The following FILIP1 variants were observed in gnomAD, a reference collection of about 807,000 sequenced individuals.
FILIP1 encodes filamin-A-interacting protein 1.
In FILIP1, 61 loss-of-function variants were observed where a neutral mutation model predicts 102.1. The observed-to-expected ratio is 0.60, with a 90% CI of 0.49 to 0.74. FILIP1 has a LOEUF of 0.74. FILIP1 is among the 30% of genes least tolerant of loss of function. FILIP1 has a pLI of 0.00. For missense variants in FILIP1, 1,314 were observed against 1,441.2 expected (o/e 0.91, Z 1.43); for synonymous variants, 491 against 526.9 (o/e 0.93, Z 0.93).
intron 3 of FILIP1, chr6:75,361,924 G>C (rs1185333616): frequency 2.0e-5 from 3 of 152,234 alleles, no homozygotes; most frequent in Non-Finnish European, 2.9e-5. Context: ...TCAATCTGTT[G>C]TGAATGCTGT....
intron 5 of FILIP1, among the ~76,000 whole-genome samples, 163 bp from the exon 6 acceptor site, chr6:75,309,060 C>A (rs1337801543): frequency 6.6e-6 from 1 of 152,092 alleles, no homozygotes; most frequent in Non-Finnish European, 1.5e-5. Context: ...TGTATCTAAT[C>A]CACTCTGATT....
intron 2 of FILIP1, among the ~76,000 whole-genome samples, chr6:75,397,537 GACAC>G (rs59797690): frequency 0.015 from 2,098 of 139,042 alleles, 28 homozygotes; most frequent in South Asian, 0.025. Flanking sequence ...ACACATATAA[GACAC>G]ACACACACAC....
At chr6:75,317,996 T>C (rs764980118) in intron 4 of FILIP1, among the ~76,000 whole-genome samples, 3 of 152,172 alleles carry the variant, frequency 2.0e-5, no homozygotes, top group Non-Finnish European at 2.9e-5. Flanking sequence ...ACCTCCTTGA[T>C]AAGTTCATGT....
chr6:75,340,244 A>G (rs1208676056), intron 4 of FILIP1, among the ~76,000 whole-genome samples: 1 of 152,170 alleles, frequency 6.6e-6, no homozygotes, highest in Admixed American at 6.5e-5. Context: ...TTTATTACAT[A>G]GAATTTATCT....
chr6:75,384,030 C>T (rs1446574033), intron 2 of FILIP1, among the ~76,000 whole-genome samples: 2 of 152,092 alleles, frequency 1.3e-5, no homozygotes, highest in African/African-American at 4.8e-5. Context: ...GCCACTAATA[C>T]TCATTTCACC....
chr6:75,432,292 T>A (rs1031433683), intron 1 of FILIP1, among the ~76,000 whole-genome samples: 2 of 152,222 alleles, frequency 1.3e-5, no homozygotes, highest in Non-Finnish European at 2.9e-5. Context: ...ATTTTCAGGA[T>A]CTACTTTATT....
In FILIP1 at chr6:75,362,726, T is replaced by C. The variant is rs1335773230; in HGVS notation, c.450+18A>G. ...CTGAGGTTCCCATCCAGGGGACTTG[T>C]TGGTGTCATATTTTTACCTCTGAAA... On this transcript the variant is annotated intron_variant, in intron 3 of 5. Transcript: ENST00000237172. 1 of 1,609,854 alleles carries C rather than the reference T, an allele frequency of 6.2e-7. No homozygotes were observed. Among genetic ancestry groups the C allele is most frequent in the Non-Finnish European group, 8.5e-7 (1 of 1,178,274 alleles).
At position 75,426,655 on chromosome 6, in the gene FILIP1, T is replaced by C. The variant is rs148587683; in HGVS notation, c.-6-11677A>G. Among the ~76,000 whole-genome samples the C allele has an allele frequency of 5.2e-3, 796 of 152,226 alleles. 6 individuals are homozygous for C. The highest frequency in any genetic ancestry group is 0.019 in the African/African-American group (770 of 41,544). On this transcript the variant is annotated intron_variant, in intron 1 of 5. Coordinates refer to ENST00000237172, the MANE Select transcript of FILIP1 (RefSeq NM_015687.5). ...AGGCACAGCTACACTTGAAGGACTC[T>C]GCAGCCTTTGTGTGAATTATGGTGG...
intron 3 of FILIP1, among the ~76,000 whole-genome samples, chr6:75,362,364 A>T (rs1775197106): frequency 6.6e-6 from 1 of 152,244 alleles, no homozygotes. Context: ...ATATCAGATA[A>T]GATCAATTTA....
At position 75,308,214 on chromosome 6, in the gene FILIP1, C is replaced by T; in HGVS notation, c.*477G>A. On this transcript the variant is annotated 3_prime_UTR_variant, in exon 6 of 6. Coordinates refer to ENST00000237172, the MANE Select transcript of FILIP1 (RefSeq NM_015687.5). ...GATAGCTATGTGATGTTTTTTCCAG[C>T]ACATAAAGCAAATTCATGATGTGAA... 1.0e-6 allele frequency: 1 copy of T among 987,868 alleles called. No individual in the cohort carries two copies. The highest frequency in any genetic ancestry group is 1.7e-5 in the African/African-American group (1 of 57,316). 61.2% of individuals were successfully genotyped at this position (987,868 alleles called of 1,614,324 possible). A position where few individuals can be genotyped will look rare whatever the true frequency, so the allele number is the denominator to read the frequency against.
downstream of FILIP1, among the ~76,000 whole-genome samples, chr6:75,304,750 T>C (rs1772933622): frequency 6.6e-6 from 1 of 152,164 alleles, no homozygotes; most frequent in Non-Finnish European, 1.5e-5. Context: ...AATATGGAGA[T>C]AAATGCCAGA....
intron 1 of FILIP1, among the ~76,000 whole-genome samples, chr6:75,436,395 C>T (rs1778023331): frequency 6.6e-6 from 1 of 151,292 alleles, no homozygotes; most frequent in Non-Finnish European, 1.5e-5. Flanking sequence ...GACACTTCTG[C>T]AAAAAGCTTC....
chr6:75,402,451 T>A (rs951962027), intron 2 of FILIP1, among the ~76,000 whole-genome samples: 1 of 152,146 alleles, frequency 6.6e-6, no homozygotes, highest in Non-Finnish European at 1.5e-5. Context: ...TCGCTCAGGG[T>A]GACCTCAGCC....
intron 2 of FILIP1, among the ~76,000 whole-genome samples, chr6:75,378,149 T>C (rs144074358): frequency 4.1e-4 from 62 of 152,318 alleles, no homozygotes; most frequent in African/African-American, 1.5e-3. Context: ...TGTTACTTAA[T>C]TAACATTGAA....
chr6:75,474,911 AC>A (rs1274614360), intron 1 of FILIP1, among the ~76,000 whole-genome samples: 1 of 150,410 alleles, frequency 6.6e-6, no homozygotes, highest in East Asian at 2.0e-4. Flanking sequence ...AGTGTGTGGC[AC>A]CCCCCACCCC....
intron 2 of FILIP1, among the ~76,000 whole-genome samples, chr6:75,385,371 A>C (rs1776055448): frequency 6.6e-6 from 1 of 152,214 alleles, no homozygotes; most frequent in South Asian, 2.1e-4. Flanking sequence ...TATTGGGCGC[A>C]CTTGAAGGAG....
chr6:75,428,844 A>G (rs2951929), intron 1 of FILIP1, among the ~76,000 whole-genome samples: 104,900 of 150,496 alleles, frequency 0.7, 37,363 homozygotes, highest in African/African-American at 0.85. Context: ...AGACATTTTT[A>G]TATCAGATTT....
intron 3 of FILIP1, among the ~76,000 whole-genome samples, chr6:75,359,934 AC>A (rs1443645000): frequency 1.3e-5 from 2 of 152,202 alleles, no homozygotes; most frequent in African/African-American, 2.4e-5. Context: ...AAAATTGAGT[AC>A]CTAAAATGAG....
At chr6:75,333,010 A>G (rs1774130807) in intron 4 of FILIP1, among the ~76,000 whole-genome samples, 1 of 152,220 alleles carries the variant, frequency 6.6e-6, no homozygotes, top group Non-Finnish European at 1.5e-5. Flanking sequence ...TTAAGATACT[A>G]CTAATCTAAT....
Sources: allele counts gnomAD v4.1 joint callset (sites outside exome capture counted in the v4.1 genomes callset), GRCh38; gene constraint gnomAD v4.1.1; transcripts MANE v1.5; gene names NCBI Gene and HGNC (gene_info 2026-07-23, HGNC 2026-07-21).